Variants in NUCB1 observed in about 807,000 individuals in gnomAD.
NUCB1 encodes nucleobindin 1.
In NUCB1, 47 loss-of-function variants were observed where a neutral mutation model predicts 61.2. The observed-to-expected ratio is 0.77, with a 90% CI of 0.61 to 0.98. NUCB1 has a LOEUF of 0.98. Ranked by LOEUF, NUCB1 falls within the 50% of genes least tolerant of loss-of-function variation. The pLI is 0.00. For synonymous variants in NUCB1, 234 were observed against 243.1 expected, an observed-to-expected ratio of 0.96 and a Z score of 0.35; for missense variants, 583 against 605.3, an observed-to-expected ratio of 0.96 and a Z score of 0.39.
Position 48,911,228 on chromosome 19 carries a change from C to T in NUCB1, c.456C>T (p.Arg152=), listed in dbSNP as rs372250878. ...AGAACCAGCATACATTCGAGGCCCG[C>T]GACCTGGAGCTGCTGATCCAGACGG... ...DPQNQHTFEA[R]DLELLIQTAT... Residue 152 remains arginine (R), a synonymous_variant, in exon 5 of 13, where the codon CGC becomes CGT. Coordinates refer to ENST00000405315, the MANE Select transcript of NUCB1 (RefSeq NM_006184.6). 2.0e-5 allele frequency: 33 copies of T among 1,613,310 alleles called. No homozygotes were observed. In the East Asian group the frequency reaches 2.9e-4, roughly 14 times the overall value.
chr19:48,908,332 G>C (rs1003834524), intron 4 of NUCB1, among the ~76,000 whole-genome samples: 1 of 152,080 alleles, frequency 6.6e-6, no homozygotes, highest in Non-Finnish European at 1.5e-5. Context: ...GTTTCACCAT[G>C]TTGGCCAGGC....
At position 48,900,660 on chromosome 19, in the gene NUCB1, T is replaced by C. The variant is rs946614217; in HGVS notation, c.-11-126T>C. 22 of 1,298,716 alleles carry C rather than the reference T, an allele frequency of 1.7e-5. No homozygotes were observed. In the African/African-American group the frequency reaches 3.2e-4, roughly 19 times the overall value. 80.4% of individuals were successfully genotyped at this position (1,298,716 alleles called of 1,614,324 possible). ...GAGGCCTGGAATCCTGGGGCCTGGG[T>C]AACAAAATGCTTGTGTCTTGATTCT... is the stretch of plus-strand genomic sequence containing the variant. On this transcript the variant is annotated intron_variant, in intron 1 of 12. Coordinates refer to ENST00000405315, the MANE Select transcript of NUCB1 (RefSeq NM_006184.6).
At position 48,922,630 on chromosome 19, in the gene NUCB1, C is replaced by T. The variant is rs1034202636; in HGVS notation, c.*206C>T. 1 of 556,908 alleles carries T rather than the reference C, an allele frequency of 1.8e-6. No individual in the cohort carries two copies. Among genetic ancestry groups the T allele is most frequent in the African/African-American group, 1.9e-5 (1 of 52,956 alleles). The allele number at this position is 556,908 out of a possible 1,614,324, so 34.5% of individuals were successfully genotyped here. A position where few individuals can be genotyped will look rare whatever the true frequency, so the allele number is the denominator to read the frequency against. ...CCTCCAAGTCTGTGGCTCTTCCCTT[C>T]TGTCCTCCGAGGGGCTTGCCTTCTC... On this transcript the variant is annotated 3_prime_UTR_variant, in exon 13 of 13. Coordinates refer to ENST00000405315, the MANE Select transcript of NUCB1 (RefSeq NM_006184.6).
Position 48,921,241 on chromosome 19 carries a change from A to G in NUCB1, c.1090A>G (p.Lys364Glu), listed in dbSNP as rs1263901418. The G allele has an allele frequency of 1.2e-6, 2 of 1,612,100 alleles. No individual in the cohort carries two copies. The highest frequency in any genetic ancestry group is 2.7e-5 in the African/African-American group (2 of 74,898). The part of the protein sequence containing the change: ...LAAREAELNA[K>E]AQRLSQETEA... ...TGCCCGGGAGGCAGAGCTGAATGCC[A>G]AGGCCCAGCGCCTCAGCCAGGAGAC... The change falls in exon 11 of 13, where the codon AAG (lysine) becomes GAG (glutamate). Residue 364 changes from lysine (K) to glutamate (E), a missense_variant. Physicochemically the swap from Lys to Glu is moderately conservative, Grantham distance 56 (BLOSUM62 1). Coordinates refer to ENST00000405315, the MANE Select transcript of NUCB1 (RefSeq NM_006184.6).
Position 48,922,394 on chromosome 19 carries a change from C to T in NUCB1, c.1356C>T (p.Leu452=). 1 of 1,613,792 alleles carries T rather than the reference C, an allele frequency of 6.2e-7. No individual in the cohort carries two copies. Among genetic ancestry groups the T allele is most frequent in the Non-Finnish European group, 8.5e-7 (1 of 1,179,782 alleles). ...DTSEKKLLER[L]PEVEVPQHL is the part of the protein sequence containing the mutation. ...CAGAAAAGAAACTTCTCGAGCGGCT[C>T]CCTGAGGTTGAGGTGCCCCAGCATC... Residue 452 remains leucine (L), a synonymous_variant, in exon 13 of 13, where the codon CTC becomes CTT. Transcript: ENST00000405315.
chr19:48,904,439 T>G lies in NUCB1; in HGVS notation c.228T>G (p.Asn76Lys). The change falls in exon 3 of 13, where the codon AAT (asparagine) becomes AAG (lysine). Residue 76 changes from asparagine (N) to lysine (K), a missense_variant. By Grantham distance (94) the Asn-to-Lys change is moderately conservative (BLOSUM62 0). Coordinates refer to ENST00000405315, the MANE Select transcript of NUCB1 (RefSeq NM_006184.6). ...GHFREKLQAA[N>K]AEDIKSGKLS... ...TCCGAGAGAAGCTGCAGGCTGCCAA[T>G]GCGGAGGACATCAAGGTGCGGCTGG... The G allele has an allele frequency of 6.2e-7, 1 of 1,609,556 alleles. No individual in the cohort carries two copies. The highest frequency in any genetic ancestry group is 1.1e-5 in the South Asian group (1 of 90,902).
At chr19:48,917,669 G>T (rs1313151666) in intron 7 of NUCB1, among the ~76,000 whole-genome samples, 1 of 152,098 alleles carries the variant, frequency 6.6e-6, no homozygotes, top group South Asian at 2.1e-4. Context: ...GCTAATTTTT[G>T]TATTTTTGTA....
chr19:48,922,381 T>A lies in NUCB1; in HGVS notation c.1343T>A (p.Leu448His), dbSNP rs1347527653. Residue 448 changes from leucine (L) to histidine (H), a missense_variant, in exon 13 of 13, where the codon CTT (leucine) becomes CAT (histidine). Coordinates refer to ENST00000405315, the MANE Select transcript of NUCB1 (RefSeq NM_006184.6). ...GAGGTGGACACTTCAGAAAAGAAACTTCTCGAGCGGCTCCCTGAGGTTGAG... is the reference window on the plus strand; with the variant it reads ...GAGGTGGACACTTCAGAAAAGAAACATCTCGAGCGGCTCCCTGAGGTTGAG... The part of the protein sequence containing the change: ...QKEVDTSEKK[L>H]LERLPEVEVP... 6.2e-7 allele frequency: 1 copy of A among 1,613,792 alleles called. No individual in the cohort carries two copies. The highest frequency in any genetic ancestry group is 1.3e-5 in the African/African-American group (1 of 75,012).
intron 7 of NUCB1, 133 bp downstream of exon 7, chr19:48,913,697 G>A (rs948029056): frequency 7.2e-6 from 5 of 693,242 alleles, no homozygotes; most frequent in Non-Finnish European, 1.3e-5. Context: ...ATGTCCCCTG[G>A]TTGACCAGAC....
chr19:48,907,215 C>T (rs548144478), intron 4 of NUCB1, among the ~76,000 whole-genome samples: 2 of 151,368 alleles, frequency 1.3e-5, no homozygotes, highest in African/African-American at 4.9e-5. Context: ...CCTCGTGATC[C>T]GCCCACCTCG....
chr19:48,903,524 G>C (rs1157619615), intron 2 of NUCB1, among the ~76,000 whole-genome samples: 2 of 131,834 alleles, frequency 1.5e-5, no homozygotes, highest in Non-Finnish European at 3.3e-5. Flanking sequence ...GTGGATGGAT[G>C]GATGGGTGGG....
At chr19:48,904,242 A>C (rs978101577) in intron 2 of NUCB1, 105 bp from the exon 3 acceptor site, 37 of 669,268 alleles carry the variant, frequency 5.5e-5, no homozygotes, top group Middle Eastern at 2.6e-4. Context: ...GTAAAAACTG[A>C]GTCCCTTGTC....
At chr19:48,908,648 C>CGTGCGT (rs1555791381) in intron 4 of NUCB1, among the ~76,000 whole-genome samples, 12 of 86,552 alleles carry the variant, frequency 1.4e-4, no homozygotes, top group Admixed American at 1.3e-3. Context: ...TCTAGCTGCC[C>CGTGCGT]GTGTGTGTGT....
intron 5 of NUCB1, among the ~76,000 whole-genome samples, chr19:48,911,818 A>G (rs1204233771): frequency 6.6e-6 from 1 of 151,972 alleles, no homozygotes; most frequent in Non-Finnish European, 1.5e-5. Context: ...GTGGACATGA[A>G]TTTGGGAGTG....
chr19:48,905,691 G>T, intron 3 of NUCB1, 62 bp from the exon 4 acceptor site: 1 of 1,595,686 alleles, frequency 6.3e-7, no homozygotes, highest in Non-Finnish European at 8.6e-7. Context: ...AAGCTTATAA[G>T]AAGCTTCCAG....
At chr19:48,914,254 C>T (rs1200525272) in intron 7 of NUCB1, among the ~76,000 whole-genome samples, 8 of 151,998 alleles carry the variant, frequency 5.3e-5, no homozygotes, top group African/African-American at 1.4e-4. Flanking sequence ...GGATTACAGG[C>T]GTGAGTCACT....
chr19:48,922,018 C>A, intron 12 of NUCB1, 86 bp downstream of exon 12: 2 of 1,067,446 alleles, frequency 1.9e-6, no homozygotes, highest in Non-Finnish European at 1.4e-6. Flanking sequence ...ACTCCCAGAT[C>A]TGAGGGAAGA....
chr19:48,907,453 T>G (rs2037425062), intron 4 of NUCB1, among the ~76,000 whole-genome samples: 1 of 151,984 alleles, frequency 6.6e-6, no homozygotes, highest in Non-Finnish European at 1.5e-5. Flanking sequence ...TTTTGTATTT[T>G]TAGTAGATAC....
intron 4 of NUCB1, among the ~76,000 whole-genome samples, chr19:48,910,638 C>T (rs562948527): frequency 7.7e-4 from 115 of 149,278 alleles, no homozygotes; most frequent in Non-Finnish European, 1.2e-3. Flanking sequence ...TGCAGCGAGC[C>T]GAGATCCTGC....
Sources: gnomAD v4.1 joint callset for allele counts (sites outside exome capture counted in the v4.1 genomes callset) on GRCh38, gnomAD v4.1.1 for gene constraint, MANE v1.5 for transcripts, NCBI Gene and HGNC (gene_info 2026-07-23, HGNC 2026-07-21) for gene names.